The following TXNDC11 variants were observed in gnomAD, a reference collection of about 807,000 sequenced individuals.
The protein encoded by TXNDC11 is thioredoxin domain containing 11.
In TXNDC11, 68 loss-of-function variants were observed where a neutral mutation model predicts 78.0. That is an observed-to-expected ratio of 0.87 (90% CI 0.72 to 1.07). The LOEUF (loss-of-function observed/expected upper bound fraction) is 1.07. Among genes scored for constraint, TXNDC11 ranks in the 50% least tolerant of loss-of-function variants. The pLI is 0.00. For missense variants in TXNDC11, 1,389 were observed against 1,221.8 expected (o/e 1.14, Z -2.04); for synonymous variants, 571 against 495.2 (o/e 1.15, Z -2.03).
At position 11,685,207 on chromosome 16, in the gene TXNDC11, T is replaced by A. The variant is rs555591009; in HGVS notation, c.2154-962A>T. 5.3e-4 allele frequency among the ~76,000 whole-genome samples: 81 copies of A among 151,924 alleles called. 1 individual carries two copies. Among genetic ancestry groups the A allele is most frequent in the African/African-American group, 1.9e-3 (80 of 41,418 alleles). ...GGGGAAACCCTGTCTCTACAAAAAA[T>A]TGGCCGGGTATTCTGGCACATGCCT... is the stretch of plus-strand genomic sequence containing the variant. On this transcript the variant is annotated intron_variant, in intron 10 of 11. Coordinates refer to ENST00000283033, the MANE Select transcript of TXNDC11 (RefSeq NM_015914.7).
At position 11,691,752 on chromosome 16, in the gene TXNDC11, G is replaced by T; in HGVS notation, c.1438C>A (p.Gln480Lys). ...AALDSFYLKE[Q>K]TFYHVASDSI... ...TCTGATGCCACATGATAAAAGGTCT[G>T]CTCCTTGAGGTAGAAAGAATCCAGA... Residue 480 changes from glutamine to lysine, a missense_variant, in exon 8 of 12, where the codon CAG becomes AAG. Physicochemically the swap from Gln to Lys is moderately conservative, Grantham distance 53. Coordinates refer to ENST00000283033, the MANE Select transcript of TXNDC11 (RefSeq NM_015914.7). 6 of 1,614,236 alleles carry T rather than the reference G, an allele frequency of 3.7e-6. No homozygotes were observed. Among genetic ancestry groups the T allele is most frequent in the Non-Finnish European group, 5.1e-6 (6 of 1,180,048 alleles).
chr16:11,731,645 A>G (rs545727112), intron 3 of TXNDC11, among the ~76,000 whole-genome samples: 32 of 152,246 alleles, frequency 2.1e-4, no homozygotes, highest in Non-Finnish European at 3.4e-4. Flanking sequence ...AGAATTTTAT[A>G]AAGGCTGTGA....
At chr16:11,700,327 A>G in intron 6 of TXNDC11, 125 bp downstream of exon 6, 1 of 481,004 alleles carries the variant, frequency 2.1e-6, no homozygotes, top group South Asian at 4.5e-5. Context: ...CTCCATCCAT[A>G]TATAAAATCA....
At chr16:11,699,730 G>A (rs1398387086) in intron 6 of TXNDC11, among the ~76,000 whole-genome samples, 1 of 152,248 alleles carries the variant, frequency 6.6e-6, no homozygotes, top group Non-Finnish European at 1.5e-5. Flanking sequence ...GGTTTTAAAG[G>A]CTGGGTACAC....
At chr16:11,716,349 T>G (rs925032255) in intron 5 of TXNDC11, among the ~76,000 whole-genome samples, 10 of 152,254 alleles carry the variant, frequency 6.6e-5, no homozygotes, top group African/African-American at 2.2e-4. Context: ...AATCATCAGA[T>G]TTTTAAAAAT....
At chr16:11,694,423 G>C (rs925922070) in intron 7 of TXNDC11, among the ~76,000 whole-genome samples, 1 of 151,778 alleles carries the variant, frequency 6.6e-6, no homozygotes, top group African/African-American at 2.4e-5. Flanking sequence ...CACTGGGATT[G>C]TAAGCATGAG....
Position 11,742,642 on chromosome 16 carries a change from G to C in TXNDC11, c.89C>G (p.Ser30Ter). ...EGGGGGGPAG[S>*]DCLSSSPTLA... ...GGTCGGGCTCGAGCTGAGGCAGTCT[G>C]AGCCCGCGGGGCCGCCGCCGCCCCC... The change falls in exon 1 of 12, where the codon TCA (serine) becomes TGA (stop). Residue 30 changes from serine (S) to a stop codon, truncating the protein, a stop_gained. Coordinates refer to ENST00000283033, the MANE Select transcript of TXNDC11 (RefSeq NM_015914.7). LOFTEE classifies it high-confidence loss of function. 6.8e-7 allele frequency: 1 copy of C among 1,459,928 alleles called. No homozygotes were observed. Among genetic ancestry groups the C allele is most frequent in the Non-Finnish European group, 9.0e-7 (1 of 1,111,758 alleles). The allele number at this position is 1,459,928 out of a possible 1,614,324, so 90.4% of individuals were successfully genotyped here.
intron 5 of TXNDC11, among the ~76,000 whole-genome samples, chr16:11,719,448 CT>C (rs2051638882): frequency 6.6e-6 from 1 of 152,288 alleles, no homozygotes; most frequent in Non-Finnish European, 1.5e-5. Flanking sequence ...TTTTCTCCCC[CT>C]ATGTCTCCCA....
chr16:11,732,182 C>G (rs972270340), intron 3 of TXNDC11, among the ~76,000 whole-genome samples: 1 of 152,286 alleles, frequency 6.6e-6, no homozygotes, highest in Middle Eastern at 3.4e-3. Context: ...TTTGAGGTCC[C>G]TTCAATCTTT....
At chr16:11,714,977 G>C (rs1348209932) in intron 5 of TXNDC11, among the ~76,000 whole-genome samples, 1 of 152,110 alleles carries the variant, frequency 6.6e-6, no homozygotes, top group Admixed American at 6.5e-5. Context: ...GTGGCCGGGC[G>C]TGGTGGCTCA....
At chr16:11,740,662 G>C (rs1455723789) in intron 1 of TXNDC11, among the ~76,000 whole-genome samples, 2 of 152,190 alleles carry the variant, frequency 1.3e-5, no homozygotes, top group Non-Finnish European at 2.9e-5. Flanking sequence ...TGGGAGACAA[G>C]AATAAAGTAC....
intron 5 of TXNDC11, chr16:11,703,879 G>C (rs1046926726): frequency 1.8e-5 from 10 of 557,110 alleles, no homozygotes; most frequent in Non-Finnish European, 3.3e-5. Flanking sequence ...ATCACCTGAG[G>C]TCATGAGTTT....
intron 5 of TXNDC11, among the ~76,000 whole-genome samples, chr16:11,714,633 C>T (rs1226996469): frequency 6.6e-6 from 1 of 150,652 alleles, no homozygotes; most frequent in African/African-American, 2.4e-5. Flanking sequence ...AAGCAAGACT[C>T]CGTCTCAAAA....
intron 7 of TXNDC11, among the ~76,000 whole-genome samples, chr16:11,693,206 T>C (rs1255569596): frequency 2.0e-5 from 3 of 152,124 alleles, no homozygotes; most frequent in Non-Finnish European, 4.4e-5. Flanking sequence ...ATGCACACAA[T>C]CCTCTGTCTT....
At chr16:11,739,895 TAAAA>T (rs563758341) in intron 1 of TXNDC11, among the ~76,000 whole-genome samples, 1 of 147,090 alleles carries the variant, frequency 6.8e-6, no homozygotes, top group Non-Finnish European at 1.5e-5. Flanking sequence ...AAAATTAAAT[TAAAA>T]AAAAAAATCC....
chr16:11,712,640 T>C (rs1031387958), intron 5 of TXNDC11, among the ~76,000 whole-genome samples: 1 of 152,144 alleles, frequency 6.6e-6, no homozygotes, highest in Non-Finnish European at 1.5e-5. Flanking sequence ...TGGCCTTAGT[T>C]CTTATTTATA....
chr16:11,689,593 T>G (rs1338927137), intron 8 of TXNDC11, among the ~76,000 whole-genome samples: 1 of 152,170 alleles, frequency 6.6e-6, no homozygotes, highest in Non-Finnish European at 1.5e-5. Flanking sequence ...GGCTAAACAT[T>G]TCAGAGAAGA....
intron 1 of TXNDC11, among the ~76,000 whole-genome samples, chr16:11,736,811 G>A (rs1372801090): frequency 2.0e-5 from 3 of 152,146 alleles, no homozygotes; most frequent in Admixed American, 6.5e-5. Flanking sequence ...ATGAAGATAA[G>A]TAACAAAGCA....
chr16:11,692,182 T>C, intron 7 of TXNDC11, 100 bp from the exon 8 acceptor site: 1 of 906,108 alleles, frequency 1.1e-6, no homozygotes, highest in Non-Finnish European at 1.6e-6. Flanking sequence ...TTATCCATGG[T>C]CAACTCCGGT....
Sources: allele counts gnomAD v4.1 joint callset (sites outside exome capture counted in the v4.1 genomes callset), GRCh38; gene constraint gnomAD v4.1.1; transcripts MANE v1.5; gene names NCBI Gene and HGNC (gene_info 2026-07-23, HGNC 2026-07-21).